Variants in FARS2 observed in about 807,000 individuals in gnomAD.
The protein encoded by FARS2 is phenylalanyl-tRNA synthetase 2, mitochondrial.
A neutral mutation model predicts 46.4 loss-of-function variants in FARS2; 40 were observed. The ratio of observed to expected loss-of-function variants is 0.86; its 90% confidence interval spans 0.67 to 1.12. The LOEUF is 1.12. FARS2 is among the 50% of genes most tolerant of loss of function. The pLI, the probability that FARS2 is intolerant of heterozygous loss-of-function variation, is 0.00. For missense variants in FARS2, 513 were observed against 567.9 expected (o/e 0.90, Z 0.98); for synonymous variants, 234 against 214.9 (o/e 1.09, Z -0.78).
intron 4 of FARS2, among the ~76,000 whole-genome samples, chr6:5,514,788 A>G (rs1395571243): frequency 1.3e-5 from 2 of 149,148 alleles, no homozygotes; most frequent in Non-Finnish European, 3.0e-5. Flanking sequence ...TTTTTAAGAG[A>G]TGGAGTCTCA....
chr6:5,601,103 C>G (rs1774484260), intron 5 of FARS2, among the ~76,000 whole-genome samples: 1 of 152,156 alleles, frequency 6.6e-6, no homozygotes, highest in South Asian at 2.1e-4. Context: ...CTTCAAGCAC[C>G]CAACCATGCT....
At chr6:5,310,263 G>A (rs887256668) in intron 1 of FARS2, among the ~76,000 whole-genome samples, 1 of 151,940 alleles carries the variant, frequency 6.6e-6, no homozygotes, top group African/African-American at 2.4e-5. Context: ...AAACATAAAA[G>A]CATAAAGTAT....
intron 6 of FARS2, among the ~76,000 whole-genome samples, chr6:5,728,971 G>A (rs2150933253): frequency 6.6e-6 from 1 of 152,298 alleles, no homozygotes; most frequent in South Asian, 2.1e-4. Context: ...ACTGGCTGGT[G>A]TGCTCTTGAC....
chr6:5,739,874 G>A (rs1582861460), intron 6 of FARS2, among the ~76,000 whole-genome samples: 1 of 152,316 alleles, frequency 6.6e-6, no homozygotes, highest in Non-Finnish European at 1.5e-5. Context: ...AGCCTGTCAT[G>A]TTCCTGCCAC....
intron 6 of FARS2, among the ~76,000 whole-genome samples, chr6:5,687,149 G>T (rs1335669474): frequency 1.3e-5 from 2 of 152,158 alleles, no homozygotes. Context: ...TTTGTAGGTT[G>T]CCTGTTCATT....
At chr6:5,369,733 T>A (rs1758922403) in intron 2 of FARS2, among the ~76,000 whole-genome samples, 1 of 152,168 alleles carries the variant, frequency 6.6e-6, no homozygotes, top group Non-Finnish European at 1.5e-5. Flanking sequence ...TGCTGTGGGA[T>A]GTCTTAATTG....
chr6:5,269,691 C>T (rs1379092092), intron 1 of FARS2, among the ~76,000 whole-genome samples: 1 of 152,108 alleles, frequency 6.6e-6, no homozygotes, highest in Non-Finnish European at 1.5e-5. Context: ...AAACAGCCTA[C>T]ATTTTGCTAA....
chr6:5,444,615 G>C (rs1342913188), intron 4 of FARS2, among the ~76,000 whole-genome samples: 1 of 151,574 alleles, frequency 6.6e-6, no homozygotes, highest in Non-Finnish European at 1.5e-5. Context: ...AATTTTTTTG[G>C]TTTTGATCAC....
At chr6:5,487,524 C>A (rs1187085616) in intron 4 of FARS2, among the ~76,000 whole-genome samples, 1 of 152,148 alleles carries the variant, frequency 6.6e-6, no homozygotes, top group East Asian at 1.9e-4. Flanking sequence ...TTGGCACTAT[C>A]GTTGCTATTC....
chr6:5,647,150 T>C (rs1243783848), intron 6 of FARS2, among the ~76,000 whole-genome samples: 2 of 152,216 alleles, frequency 1.3e-5, no homozygotes, highest in East Asian at 1.9e-4. Flanking sequence ...TACTACTCTT[T>C]TGTCAGGGAG....
chr6:5,252,075 T>C, the FARS2 span, among the ~76,000 whole-genome samples: 276 of 152,324 alleles, frequency 1.8e-3, 2 homozygotes, highest in African/African-American at 6.4e-3. Context: ...CTGACGTTGA[T>C]CAGCACTTAG....
chr6:5,749,103 A>C (rs1378285606), intron 6 of FARS2, among the ~76,000 whole-genome samples: 3 of 152,214 alleles, frequency 2.0e-5, no homozygotes, highest in African/African-American at 7.2e-5. Context: ...GAGCTGGTCC[A>C]AAAGGGGGCT....
intron 6 of FARS2, among the ~76,000 whole-genome samples, chr6:5,644,708 T>G (rs992254464): frequency 2.4e-4 from 36 of 152,236 alleles, no homozygotes; most frequent in African/African-American, 7.5e-4. Context: ...TTCTGAAGTT[T>G]GACCTACCTG....
chr6:5,728,408 G>A (rs1208573585), intron 6 of FARS2, among the ~76,000 whole-genome samples: 2 of 152,128 alleles, frequency 1.3e-5, no homozygotes, highest in African/African-American at 4.8e-5. Context: ...TGTTTTTGGA[G>A]TGAGGTTTGC....
intron 1 of FARS2, among the ~76,000 whole-genome samples, chr6:5,348,553 A>G (rs376117566): frequency 2.7e-5 from 1 of 36,616 alleles, no homozygotes; most frequent in African/African-American, 1.6e-4. Flanking sequence ...TAAATAAAAC[A>G]TAAGTAATCT....
intron 6 of FARS2, among the ~76,000 whole-genome samples, chr6:5,620,391 G>T (rs1192195083): frequency 6.6e-6 from 1 of 152,124 alleles, no homozygotes; most frequent in African/African-American, 2.4e-5. Context: ...TGGGGAGAAG[G>T]GATAGAACAC....
chr6:5,659,121 G>C (rs1052355831), intron 6 of FARS2, among the ~76,000 whole-genome samples: 1 of 152,094 alleles, frequency 6.6e-6, no homozygotes, highest in African/African-American at 2.4e-5. Context: ...TGTCCCACTG[G>C]GATTAGTGCA....
chr6:5,686,298 C>T (rs959389474), intron 6 of FARS2, among the ~76,000 whole-genome samples: 21 of 151,796 alleles, frequency 1.4e-4, no homozygotes, highest in Non-Finnish European at 2.2e-4. Context: ...GTGTGCTGCA[C>T]CCATTAACTC....
intron 2 of FARS2, among the ~76,000 whole-genome samples, chr6:5,398,838 A>T (rs1761056632): frequency 6.6e-6 from 1 of 152,172 alleles, no homozygotes; most frequent in South Asian, 2.1e-4. Flanking sequence ...CTTACTCATG[A>T]CATATTTATT....
Sources: allele counts gnomAD v4.1 joint callset (sites outside exome capture counted in the v4.1 genomes callset), GRCh38; gene constraint gnomAD v4.1.1; transcripts MANE v1.5; gene names NCBI Gene and HGNC (gene_info 2026-07-23, HGNC 2026-07-21).